Variants in GRIP1 observed in about 807,000 individuals in gnomAD.
The protein encoded by GRIP1 is glutamate receptor interacting protein 1.
GRIP1 carries 45 observed loss-of-function variants against 129.9 expected under a neutral mutation model. The ratio of observed to expected loss-of-function variants is 0.35; its 90% CI spans 0.27 to 0.44. The LOEUF is 0.44. GRIP1 is among the 20% of genes least tolerant of loss of function. The probability of loss-of-function intolerance (pLI) is 1.00; values close to 1 mark genes in which losing one functional copy is unlikely to be tolerated. For synonymous variants in GRIP1, 530 were observed against 520.8 expected, an observed-to-expected ratio of 1.02 and a Z score of -0.24; for missense variants, 1,196 against 1,396.8, an observed-to-expected ratio of 0.86 and a Z score of 2.29.
chr12:66,991,608 ACAGC>A (rs2042395803), intron 1 of GRIP1, among the ~76,000 whole-genome samples: 1 of 152,256 alleles, frequency 6.6e-6, no homozygotes, highest in Non-Finnish European at 1.5e-5. Flanking sequence ...AAACTTGGGC[ACAGC>A]CAATTTTTCA....
chr12:67,039,485 G>A (rs977072613), intron 1 of GRIP1, among the ~76,000 whole-genome samples: 24 of 152,196 alleles, frequency 1.6e-4, no homozygotes, highest in African/African-American at 5.8e-4. Context: ...CACTGGAAAT[G>A]AATTCTGCAC....
intron 11 of GRIP1, among the ~76,000 whole-genome samples, chr12:66,454,435 T>G (rs7307274): frequency 0.65 from 98,945 of 152,098 alleles, 32,986 homozygotes; most frequent in Middle Eastern, 0.79. Flanking sequence ...AAGGGATACA[T>G]GACAAGAAAC....
chr12:66,518,236 C>A (rs1192972672), intron 5 of GRIP1, among the ~76,000 whole-genome samples: 1 of 151,992 alleles, frequency 6.6e-6, no homozygotes, highest in Non-Finnish European at 1.5e-5. Flanking sequence ...ACTGGAATGG[C>A]AAGAGAATCA....
chr12:66,733,045 G>A (rs915754359), intron 1 of GRIP1, among the ~76,000 whole-genome samples: 2 of 152,094 alleles, frequency 1.3e-5, no homozygotes, highest in Non-Finnish European at 2.9e-5. Flanking sequence ...AAAGGGATGG[G>A]TTCTTGCTGT....
chr12:66,973,181 T>C (rs1194687402), intron 1 of GRIP1, among the ~76,000 whole-genome samples: 1 of 152,134 alleles, frequency 6.6e-6, no homozygotes, highest in African/African-American at 2.4e-5. Context: ...TAAATCTATA[T>C]GTCATGTAAA....
chr12:66,817,496 G>A (rs1030901646), intron 1 of GRIP1, among the ~76,000 whole-genome samples: 4 of 151,956 alleles, frequency 2.6e-5, no homozygotes, highest in African/African-American at 9.7e-5. Flanking sequence ...CATAACCTCC[G>A]CCTCCCAGAT....
At chr12:66,794,999 T>C (rs1160829377) in intron 1 of GRIP1, among the ~76,000 whole-genome samples, 1 of 152,160 alleles carries the variant, frequency 6.6e-6, no homozygotes, top group East Asian at 1.9e-4. Flanking sequence ...CACCCGTACA[T>C]CTCACCCTAA....
intron 1 of GRIP1, among the ~76,000 whole-genome samples, chr12:66,635,156 T>C (rs886566641): frequency 6.6e-6 from 1 of 152,166 alleles, no homozygotes; most frequent in Non-Finnish European, 1.5e-5. Flanking sequence ...CAGTGGCTCA[T>C]GCCTGTAATT....
intron 1 of GRIP1, among the ~76,000 whole-genome samples, chr12:67,004,283 C>CA (rs1221902042): frequency 1.3e-5 from 2 of 152,146 alleles, no homozygotes; most frequent in African/African-American, 4.8e-5. Flanking sequence ...GCCGGTTACT[C>CA]ACTAGCTTTC....
At chr12:66,553,369 C>G (rs2062206563) in intron 2 of GRIP1, among the ~76,000 whole-genome samples, 2 of 152,006 alleles carry the variant, frequency 1.3e-5, no homozygotes, top group Admixed American at 1.3e-4. Context: ...CCCTCCCTAT[C>G]TTCCATTGAA....
chr12:66,893,839 A>G (rs1592934765), intron 1 of GRIP1, among the ~76,000 whole-genome samples: 1 of 152,308 alleles, frequency 6.6e-6, no homozygotes, highest in South Asian at 2.1e-4. Context: ...CTCTTATTCA[A>G]AACCCTCCAA....
chr12:66,734,844 TAAA>T (rs1243091139), intron 1 of GRIP1, among the ~76,000 whole-genome samples: 1 of 152,164 alleles, frequency 6.6e-6, no homozygotes, highest in East Asian at 1.9e-4. Context: ...AATTGAGGCT[TAAA>T]GAAGAGTGGA....
At chr12:66,456,080 T>A in intron 10 of GRIP1, 107 bp downstream of exon 10, 1 of 618,294 alleles carries the variant, frequency 1.6e-6, no homozygotes, top group South Asian at 1.6e-5. Context: ...ATTGCTACTA[T>A]AAGAAACAGA....
chr12:66,508,381 C>T (rs1592452590), intron 7 of GRIP1, among the ~76,000 whole-genome samples: 2 of 152,032 alleles, frequency 1.3e-5, no homozygotes, highest in African/African-American at 2.4e-5. Context: ...GTTAGTGTCC[C>T]CACAGAGTTT....
At chr12:66,616,140 G>A (rs1291368839) in intron 1 of GRIP1, among the ~76,000 whole-genome samples, 2 of 151,990 alleles carry the variant, frequency 1.3e-5, no homozygotes, top group Non-Finnish European at 2.9e-5. Flanking sequence ...TATCTGAATG[G>A]CTTTAACTAA....
intron 11 of GRIP1, among the ~76,000 whole-genome samples, chr12:66,452,671 A>G (rs2058841465): frequency 6.6e-6 from 1 of 152,208 alleles, no homozygotes; most frequent in Non-Finnish European, 1.5e-5. Flanking sequence ...CTATAGAAAC[A>G]TATGTATTAC....
intron 1 of GRIP1, among the ~76,000 whole-genome samples, chr12:67,020,159 C>T (rs1248894610): frequency 6.6e-6 from 1 of 152,124 alleles, no homozygotes; most frequent in Non-Finnish European, 1.5e-5. Context: ...TTCAATACTA[C>T]TACAAAGCAG....
At chr12:66,956,451 T>C (rs2041842721) in intron 1 of GRIP1, among the ~76,000 whole-genome samples, 1 of 152,182 alleles carries the variant, frequency 6.6e-6, no homozygotes, top group Admixed American at 6.5e-5. Flanking sequence ...GTTAAGGTGG[T>C]ATCTGCCAGG....
At chr12:66,485,936 A>G (rs2059942288) in intron 7 of GRIP1, among the ~76,000 whole-genome samples, 1 of 152,018 alleles carries the variant, frequency 6.6e-6, no homozygotes, top group Admixed American at 6.6e-5. Context: ...ATATGTATAT[A>G]TGTGTGTGTG....
Sources: gnomAD v4.1 joint callset for allele counts (sites outside exome capture counted in the v4.1 genomes callset) on GRCh38, gnomAD v4.1.1 for gene constraint, MANE v1.5 for transcripts, NCBI Gene and HGNC (gene_info 2026-07-23, HGNC 2026-07-21) for gene names.